Variants in URB1 observed in about 807,000 individuals in gnomAD.
URB1 encodes the protein URB1 ribosome biogenesis factor.
URB1 carries 197 observed loss-of-function variants against 242.3 expected under a neutral mutation model. The ratio of observed to expected loss-of-function variants is 0.81; its 90% confidence interval spans 0.72 to 0.91. URB1 has a LOEUF of 0.91. Ranked by LOEUF, URB1 falls within the 40% of genes least tolerant of loss-of-function variation. The pLI is 0.00. For synonymous variants in URB1, 1,153 were observed against 1,201.8 expected (o/e 0.96, Z 0.84); for missense variants, 2,721 against 2,860.5 (o/e 0.95, Z 1.11).
chr21:32,366,026 C>T (rs2033342623), intron 10 of URB1, among the ~76,000 whole-genome samples: 2 of 152,306 alleles, frequency 1.3e-5, no homozygotes, highest in South Asian at 4.1e-4. Flanking sequence ...CGGTGAAAGA[C>T]ATGTGAACCC....
rs2033238642 is a variant in URB1 at position 32,357,716 on chromosome 21, A to G, written c.1870-60T>C. On this transcript the variant is annotated intron_variant, in intron 14 of 38. Coordinates refer to ENST00000382751, the MANE Select transcript of URB1 (RefSeq NM_014825.3). ...ATATAATTACATATATAATTTTAAT[A>G]TATAGTTATATATTAGAAACATACC... 4 of 1,189,696 alleles carry G rather than the reference A, an allele frequency of 3.4e-6. No homozygotes were observed. The African/African-American group carries it at 4.9e-5, about 15-fold the overall frequency. The allele number at this position is 1,189,696 out of a possible 1,614,324, so 73.7% of individuals were successfully genotyped here. A position where few individuals can be genotyped will look rare whatever the true frequency, so the allele number is the denominator to read the frequency against.
At position 32,375,438 on chromosome 21, in the gene URB1, A is replaced by T. The variant is rs2033448400; in HGVS notation, c.710T>A (p.Ile237Asn). The T allele has an allele frequency of 6.5e-7, 1 of 1,541,874 alleles. No homozygotes were observed. The highest frequency in any genetic ancestry group is 8.8e-7 in the Non-Finnish European group (1 of 1,142,606). Residue 237 changes from isoleucine (I) to asparagine (N), a missense_variant, in exon 6 of 39, where the codon ATC (isoleucine) becomes AAC (asparagine). Physicochemically the swap from Ile to Asn is moderately radical, Grantham distance 149. Coordinates refer to ENST00000382751, the MANE Select transcript of URB1 (RefSeq NM_014825.3). The part of the protein sequence containing the change: ...IFSSGIKEDR[I>N]STINILLSTL... Reference sequence around the variant, plus strand: ...GGATAATAAAATATTGATGGTAGAGATCCTATCTTCCTTTATCCCTGAGCT... The same window carrying T: ...GGATAATAAAATATTGATGGTAGAGTTCCTATCTTCCTTTATCCCTGAGCT...
chr21:32,338,342 A>G (rs2032986373), intron 26 of URB1, among the ~76,000 whole-genome samples: 1 of 152,160 alleles, frequency 6.6e-6, no homozygotes, highest in Non-Finnish European at 1.5e-5. Flanking sequence ...AATCTTCCCA[A>G]GCAGAAATTT....
Position 32,357,623 on chromosome 21 carries a change from G to A in URB1, c.1903C>T (p.Arg635Ter), listed in dbSNP as rs1171138023. 5.9e-6 allele frequency: 9 copies of A among 1,514,860 alleles called. No individual in the cohort carries two copies. Among genetic ancestry groups the A allele is most frequent in the East Asian group, 2.6e-5 (1 of 38,938 alleles). 93.8% of individuals were successfully genotyped at this position (1,514,860 alleles called of 1,614,324 possible). Residue 635 changes from arginine (R) to a stop codon, truncating the protein, a stop_gained, in exon 15 of 39, where the codon CGA (arginine) becomes TGA (stop). Coordinates refer to ENST00000382751, the MANE Select transcript of URB1 (RefSeq NM_014825.3). LOFTEE classifies it high-confidence loss of function. ...TTCATTAGTAAGTAAAATACTGATC[G>A]TTCACCTCCAATAATTTCTGCATCT... ...GPDAEIIGGE[R>*]SVFYLLMKMF... is the part of the protein sequence containing the mutation.
Position 32,338,800 on chromosome 21 carries a change from G to A in URB1, c.4417C>T (p.Pro1473Ser), listed in dbSNP as rs1373316692. 1 of 1,551,602 alleles carries A rather than the reference G, an allele frequency of 6.4e-7. No individual in the cohort carries two copies. The highest frequency in any genetic ancestry group is 1.4e-5 in the African/African-American group (1 of 73,028). ...TGCATGAGCATCACGTAGACCACCG[G>A]GAGCTGGATGAGCTTCGTGCGCACG... is the stretch of plus-strand genomic sequence containing the variant. Reference protein sequence around the residue: ...SSVRTKLIQLPVVYVMLMQHS... With the variant: ...SSVRTKLIQLSVVYVMLMQHS... Residue 1473 changes from proline to serine, a missense_variant, in exon 26 of 39, where the codon CCG becomes TCG. By Grantham distance (74) the Pro-to-Ser change is moderately conservative. Coordinates refer to ENST00000382751, the MANE Select transcript of URB1 (RefSeq NM_014825.3).
Position 32,312,239 on chromosome 21 carries a change from A to G in URB1, c.*2679T>C. On this transcript the variant is annotated 3_prime_UTR_variant, in exon 39 of 39. Transcript: ENST00000382751. ...CCTAGCCTGCTTGCTTACTGCTTATATTTGCTCAGGGAAGAGTAGGAAAAT... is the reference window on the plus strand; with the variant it reads ...CCTAGCCTGCTTGCTTACTGCTTATGTTTGCTCAGGGAAGAGTAGGAAAAT... 12 of 1,431,906 alleles carry G rather than the reference A, an allele frequency of 8.4e-6. No homozygotes were observed. The highest frequency in any genetic ancestry group is 1.0e-5 in the Non-Finnish European group (11 of 1,096,116). The allele number at this position is 1,431,906 out of a possible 1,614,324, so 88.7% of individuals were successfully genotyped here.
chr21:32,337,661 T>C (rs535829642), intron 26 of URB1, 147 bp from the exon 27 acceptor site: 1 of 550,390 alleles, frequency 1.8e-6, no homozygotes, highest in South Asian at 3.4e-5. Flanking sequence ...TCTAATCCCT[T>C]CCCCGCTTAT....
chr21:32,377,325 A>G (rs777305497), intron 5 of URB1: 2 of 508,254 alleles, frequency 3.9e-6, no homozygotes, highest in South Asian at 2.9e-5. Context: ...ACCCATGCAT[A>G]AGCACCTTAA....
At position 32,392,978 on chromosome 21, in the gene URB1, A is replaced by G. The variant is rs1408231229; in HGVS notation, c.-68T>C. 3 of 1,420,538 alleles carry G rather than the reference A, an allele frequency of 2.1e-6. No homozygotes were observed. The East Asian group carries it at 8.1e-5, about 38-fold the overall frequency. The allele number at this position is 1,420,538 out of a possible 1,614,324, so 88.0% of individuals were successfully genotyped here. A position where few individuals can be genotyped will look rare whatever the true frequency, so the allele number is the denominator to read the frequency against. On this transcript the variant is annotated 5_prime_UTR_variant, in exon 1 of 39. Transcript: ENST00000382751. ...GGACCCGGCAGGAGCACTGGCACAGACAGCAGACACGCGCTTCAGGCCCAC... is the reference window on the plus strand; with the variant it reads ...GGACCCGGCAGGAGCACTGGCACAGGCAGCAGACACGCGCTTCAGGCCCAC...
intron 4 of URB1, among the ~76,000 whole-genome samples, chr21:32,382,801 G>A (rs1376315443): frequency 6.6e-6 from 1 of 152,128 alleles, no homozygotes; most frequent in Non-Finnish European, 1.5e-5. Context: ...AGTCCTCCAA[G>A]TGTGCCTGCT....
chr21:32,344,814 C>T (rs749353723), intron 23 of URB1, 58 bp from the exon 24 acceptor site: 22 of 1,495,072 alleles, frequency 1.5e-5, no homozygotes, highest in Non-Finnish European at 1.9e-5. Context: ...TCTGACTTTA[C>T]GTATAATCCA....
rs745355984 is a variant in URB1, at chr21:32,347,620, C to G, written c.3204G>C (p.Gln1068His). 8.4e-6 allele frequency: 13 copies of G among 1,551,590 alleles called. No individual in the cohort carries two copies. The highest frequency in any genetic ancestry group is 1.0e-5 in the Non-Finnish European group (12 of 1,146,998). ...ASAPILQNIGQLGLLARYSEA... is the reference protein window; with the variant it reads ...ASAPILQNIGHLGLLARYSEA... ...CTGAGTACCTGGCCAGAAGGCCCAG[C>G]TGCCCAATGTTCTGGAGGATCGGGG... Residue 1068 changes from glutamine to histidine, a missense_variant, in exon 22 of 39, where the codon CAG becomes CAC. Gln to His is a conservative substitution (Grantham distance 24). Coordinates refer to ENST00000382751, the MANE Select transcript of URB1 (RefSeq NM_014825.3).
intron 25 of URB1, 147 bp from the exon 26 acceptor site, chr21:32,339,047 T>A: frequency 3.4e-6 from 3 of 892,006 alleles, no homozygotes; most frequent in South Asian, 1.9e-5. Flanking sequence ...CAGGCTGGAG[T>A]ACAGTGGTGC....
chr21:32,355,434 G>C lies in URB1; in HGVS notation c.2106+15C>G. Reference sequence around the variant, plus strand: ...TCTCTGAGCATGTTCCTTTATGTGGGAAATATGTGCTTACGCGTTCCAGAA... The same window carrying C: ...TCTCTGAGCATGTTCCTTTATGTGGCAAATATGTGCTTACGCGTTCCAGAA... On this transcript the variant is annotated intron_variant, in intron 16 of 38. Coordinates refer to ENST00000382751, the MANE Select transcript of URB1 (RefSeq NM_014825.3). The C allele has an allele frequency of 6.5e-7, 1 of 1,546,738 alleles. No individual in the cohort carries two copies. The highest frequency in any genetic ancestry group is 8.8e-7 in the Non-Finnish European group (1 of 1,142,392).
At position 32,333,471 on chromosome 21, in the gene URB1, T is replaced by TAC. The variant is rs767040924; in HGVS notation, c.4858-54_4858-53dup. On this transcript the variant is annotated intron_variant, in intron 29 of 38. Transcript: ENST00000382751. ...GTGTGATTCAACCTCACAAAGGTAA[T>TAC]ACAGGTTGAGTATCTCTTATCTGAA... The TAC allele has an allele frequency of 1.1e-5, 16 of 1,397,576 alleles. No individual in the cohort carries two copies. In the Middle Eastern group the frequency reaches 5.4e-4, roughly 47 times the overall value. 86.6% of individuals were successfully genotyped at this position (1,397,576 alleles called of 1,614,324 possible).
At chr21:32,325,449 C>T (rs767422164) in intron 30 of URB1, 60 bp from the exon 31 acceptor site, 2 of 1,496,876 alleles carry the variant, frequency 1.3e-6, no homozygotes, top group Non-Finnish European at 1.8e-6. Context: ...TTCTTGTTAA[C>T]CTGGAGAATT....
chr21:32,315,460 T>A (rs1417953714), intron 38 of URB1, among the ~76,000 whole-genome samples: 2 of 152,030 alleles, frequency 1.3e-5, no homozygotes, highest in Non-Finnish European at 2.9e-5. Context: ...ACTACAGGCA[T>A]GTGCCACCAC....
chr21:32,354,831 G>A (rs1280212462), intron 17 of URB1, 28 bp downstream of exon 17: 18 of 1,546,536 alleles, frequency 1.2e-5, no homozygotes, highest in Non-Finnish European at 1.3e-5. Context: ...TCAGACCTCT[G>A]AGCAGCGCAG....
At chr21:32,350,666 G>T in intron 20 of URB1, 38 bp downstream of exon 20, 1 of 1,540,376 alleles carries the variant, frequency 6.5e-7, no homozygotes, top group South Asian at 1.2e-5. Context: ...TCTGGTGGCA[G>T]AGCTCTGAAG....
Sources: allele counts gnomAD v4.1 joint callset (sites outside exome capture counted in the v4.1 genomes callset), GRCh38; gene constraint gnomAD v4.1.1; transcripts MANE v1.5; gene names NCBI Gene and HGNC (gene_info 2026-07-23, HGNC 2026-07-21).